CLHC1: variants seen among roughly 807,000 people sequenced by gnomAD.
CLHC1 encodes the protein clathrin heavy chain linker domain-containing protein 1.
A neutral mutation model predicts 69.5 loss-of-function variants in CLHC1; 72 were observed. The ratio of observed to expected loss-of-function variants is 1.04; its 90% CI spans 0.86 to 1.26. The LOEUF (loss-of-function observed/expected upper bound fraction) is 1.26. Among genes scored for constraint, CLHC1 ranks in the 50% most tolerant of loss-of-function variants. The probability of loss-of-function intolerance (pLI) is 0.00; values close to 1 mark genes in which losing one functional copy is unlikely to be tolerated. For synonymous variants in CLHC1, 223 were observed against 224.3 expected (o/e 0.99, Z 0.05); for missense variants, 790 against 679.3 (o/e 1.16, Z -1.81).
chr2:55,204,268 G>A (rs1233625436), intron 9 of CLHC1, among the ~76,000 whole-genome samples: 1 of 152,120 alleles, frequency 6.6e-6, no homozygotes, highest in Non-Finnish European at 1.5e-5. Flanking sequence ...TGGGCAACAA[G>A]AGGGAAACTC....
chr2:55,200,463 T>C (rs1671846079), intron 9 of CLHC1, among the ~76,000 whole-genome samples: 1 of 152,052 alleles, frequency 6.6e-6, no homozygotes, highest in East Asian at 1.9e-4. Flanking sequence ...AAGGGGTCAA[T>C]TCAACAAGAG....
At chr2:55,205,253 C>A (rs1244633021) in intron 9 of CLHC1, among the ~76,000 whole-genome samples, 2 of 152,110 alleles carry the variant, frequency 1.3e-5, no homozygotes, top group African/African-American at 2.4e-5. Context: ...ATCCAGCAAT[C>A]CCGCTACTGG....
At chr2:55,214,333 C>A (rs1162954184) in intron 4 of CLHC1, 2 of 152,224 alleles carry the variant, frequency 1.3e-5, no homozygotes, top group Non-Finnish European at 2.9e-5. Context: ...CATGGTGAAA[C>A]CCCATCTCTA....
At chr2:55,201,479 A>G (rs1382627679) in intron 9 of CLHC1, among the ~76,000 whole-genome samples, 1 of 152,198 alleles carries the variant, frequency 6.6e-6, no homozygotes, top group Non-Finnish European at 1.5e-5. Context: ...GAAGAAATCC[A>G]AAACCTGAAC....
At chr2:55,231,316 G>C (rs1406614230) in intron 1 of CLHC1, among the ~76,000 whole-genome samples, 2 of 151,632 alleles carry the variant, frequency 1.3e-5, no homozygotes, top group East Asian at 1.9e-4. Context: ...GCCAAAACAC[G>C]GGAGGGCATA....
intron 3 of CLHC1, among the ~76,000 whole-genome samples, chr2:55,220,537 C>T (rs1220929782): frequency 6.6e-6 from 1 of 152,042 alleles, no homozygotes; most frequent in Non-Finnish European, 1.5e-5. Context: ...TTTCTCCTCA[C>T]CAGGAGAAAA....
rs1182120291 is a variant in CLHC1 at position 55,223,417 on chromosome 2, C to A, written c.-82-924G>T. On this transcript the variant is annotated intron_variant, in intron 2 of 12. Coordinates refer to ENST00000401408, the MANE Select transcript of CLHC1 (RefSeq NM_152385.4). Reference sequence around the variant, plus strand: ...GCCGCTTTCAGTAAAGAATCATGGGCGGCGGCGGCCTGGCGGGGGCGAGCG... The same window carrying A: ...GCCGCTTTCAGTAAAGAATCATGGGAGGCGGCGGCCTGGCGGGGGCGAGCG... 5.9e-5 allele frequency among the ~76,000 whole-genome samples: 9 copies of A among 152,260 alleles called. No homozygotes were observed. In the East Asian group the frequency reaches 7.7e-4, roughly 13 times the overall value.
intron 9 of CLHC1, among the ~76,000 whole-genome samples, chr2:55,197,658 G>A (rs1671551577): frequency 6.6e-6 from 1 of 152,160 alleles, no homozygotes. Context: ...AGATATGGTT[G>A]CAGTAACCAA....
At chr2:55,214,092 G>C (rs1016513379) in intron 4 of CLHC1, among the ~76,000 whole-genome samples, 2 of 152,336 alleles carry the variant, frequency 1.3e-5, no homozygotes, top group African/African-American at 2.4e-5. Flanking sequence ...GAATGGTGCA[G>C]AGATGAATGT....
rs1275872803 is a variant in CLHC1, at chr2:55,173,513, G to A, written c.*2277C>T. ...ATTTTAGAGTTGGAAATGACAAGAG[G>A]AGGTATCTAGTCAAAATAAATTTAT... is the stretch of plus-strand genomic sequence containing the variant. On this transcript the variant is annotated 3_prime_UTR_variant, in exon 13 of 13. Transcript: ENST00000401408. Among the ~76,000 whole-genome samples the A allele has an allele frequency of 6.6e-6, 1 of 152,190 alleles. No homozygotes were observed. The highest frequency in any genetic ancestry group is 1.5e-5 in the Non-Finnish European group (1 of 68,032).
chr2:55,201,558 T>C (rs868368343), intron 9 of CLHC1, among the ~76,000 whole-genome samples: 1 of 152,290 alleles, frequency 6.6e-6, no homozygotes, highest in Middle Eastern at 3.4e-3. Flanking sequence ...CAGGACCTGA[T>C]GGCTTCACTT....
chr2:55,215,408 AG>A (rs1391578035), intron 4 of CLHC1, among the ~76,000 whole-genome samples: 2 of 152,194 alleles, frequency 1.3e-5, no homozygotes. Context: ...TTTTTATAAT[AG>A]CTTCATTGAG....
intron 5 of CLHC1, among the ~76,000 whole-genome samples, 177 bp from the exon 6 acceptor site, chr2:55,210,008 GTTAT>G (rs1003784204): frequency 7.2e-5 from 11 of 151,968 alleles, no homozygotes; most frequent in East Asian, 1.9e-4. Flanking sequence ...TGGCTAGCAG[GTTAT>G]TTATTTATTT....
chr2:55,220,438 C>G (rs1357660992), intron 3 of CLHC1, among the ~76,000 whole-genome samples: 1 of 152,194 alleles, frequency 6.6e-6, no homozygotes, highest in African/African-American at 2.4e-5. Context: ...ATTTCCATTT[C>G]TAGATCCCCT....
chr2:55,206,480 TG>T, intron 8 of CLHC1, 104 bp from the exon 9 acceptor site: 2 of 680,816 alleles, frequency 2.9e-6, no homozygotes, highest in Non-Finnish European at 5.1e-6. Flanking sequence ...CATAACGATA[TG>T]GAAAAACAAA....
chr2:55,183,808 G>C (rs371030159), intron 9 of CLHC1, among the ~76,000 whole-genome samples: 8 of 152,254 alleles, frequency 5.3e-5, no homozygotes, highest in African/African-American at 1.9e-4. Context: ...TTGAGATGGA[G>C]TCTCGCTCCG....
At chr2:55,217,650 A>G (rs540652518) in intron 4 of CLHC1, among the ~76,000 whole-genome samples, 161 bp downstream of exon 4, 1 of 149,330 alleles carries the variant, frequency 6.7e-6, no homozygotes, top group Admixed American at 6.7e-5. Context: ...AGTAAACAAT[A>G]CAGTAACTTC....
At chr2:55,210,972 G>A (rs72797572) in intron 5 of CLHC1, among the ~76,000 whole-genome samples, 1 of 152,018 alleles carries the variant, frequency 6.6e-6, no homozygotes, top group Non-Finnish European at 1.5e-5. Flanking sequence ...AGTATTACAG[G>A]CATGAGCCAC....
intron 12 of CLHC1, among the ~76,000 whole-genome samples, chr2:55,176,259 C>A (rs1254397313): frequency 6.6e-6 from 1 of 152,168 alleles, no homozygotes; most frequent in Admixed American, 6.5e-5. Context: ...CACTCATCTC[C>A]TTCTTGTTAA....
Sources: allele counts gnomAD v4.1 joint callset (sites outside exome capture counted in the v4.1 genomes callset), GRCh38; gene constraint gnomAD v4.1.1; transcripts MANE v1.5; gene names NCBI Gene and HGNC (gene_info 2026-07-23, HGNC 2026-07-21).